Variants in FBXL17 observed in about 807,000 individuals in gnomAD.
FBXL17 encodes F-box/LRR-repeat protein 17.
A neutral mutation model predicts 66.2 loss-of-function variants in FBXL17; 22 were observed. The ratio of observed to expected loss-of-function variants is 0.33; its 90% confidence interval spans 0.24 to 0.47. The LOEUF is 0.47. FBXL17 is among the 20% of genes least tolerant of loss of function. The pLI, the probability that FBXL17 is intolerant of heterozygous loss-of-function variation, is 1.00. For synonymous variants in FBXL17, 474 were observed against 400.5 expected (o/e 1.18, Z -2.19); for missense variants, 878 against 948.2 (o/e 0.93, Z 0.97).
At chr5:108,370,222 A>G (rs1748936115) in intron 1 of FBXL17, among the ~76,000 whole-genome samples, 1 of 152,214 alleles carries the variant, frequency 6.6e-6, no homozygotes, top group Non-Finnish European at 1.5e-5. Context: ...TTTCTCATTA[A>G]CATTATAACA....
At chr5:107,879,638 G>T in intron 8 of FBXL17, 1 of 985,366 alleles carries the variant, frequency 1.0e-6, no homozygotes, top group South Asian at 4.7e-5. Flanking sequence ...AAGAGCTTTG[G>T]GCCATACTTC....
chr5:108,193,552 G>A (rs551567681), intron 5 of FBXL17, among the ~76,000 whole-genome samples: 9 of 152,142 alleles, frequency 5.9e-5, no homozygotes, highest in Non-Finnish European at 1.3e-4. Context: ...GTTGGACAAG[G>A]GAGGGAACAA....
intron 7 of FBXL17, among the ~76,000 whole-genome samples, chr5:107,931,385 A>G (rs1358195691): frequency 1.3e-5 from 2 of 150,566 alleles, no homozygotes; most frequent in African/African-American, 4.9e-5. Context: ...TCAGCCTCCC[A>G]AGTAGCTGGA....
rs66609948 is a variant in FBXL17 at position 107,890,681 on chromosome 5, A to C, written c.1823-9502T>G. 9.0e-3 allele frequency among the ~76,000 whole-genome samples: 1,349 copies of C among 150,258 alleles called. 21 individuals carry two copies. Among genetic ancestry groups the C allele is most frequent in the African/African-American group, 0.032 (1,288 of 40,806 alleles). On this transcript the variant is annotated intron_variant, in intron 7 of 8. Coordinates refer to ENST00000542267, the MANE Select transcript of FBXL17 (RefSeq NM_001163315.3). ...CTTGTCTTAGGAAAAAAAAAAAAAA[A>C]TTGTCTAACCTACTATGTATCAGAG...
chr5:107,978,036 T>C (rs527745938), intron 7 of FBXL17, among the ~76,000 whole-genome samples: 15 of 152,274 alleles, frequency 9.9e-5, no homozygotes, highest in African/African-American at 3.4e-4. Flanking sequence ...TTAAAACAGA[T>C]TGCTGGGCCC....
At chr5:108,251,817 G>T (rs1404703946) in intron 4 of FBXL17, among the ~76,000 whole-genome samples, 1 of 151,686 alleles carries the variant, frequency 6.6e-6, no homozygotes, top group Non-Finnish European at 1.5e-5. Context: ...ATAACATATT[G>T]TATAGTTCTA....
At chr5:107,949,465 C>A (rs570836202) in intron 7 of FBXL17, among the ~76,000 whole-genome samples, 1 of 152,244 alleles carries the variant, frequency 6.6e-6, no homozygotes, top group East Asian at 1.9e-4. Context: ...AATCTTTTTA[C>A]AGACAACACA....
intron 4 of FBXL17, among the ~76,000 whole-genome samples, chr5:108,256,505 A>C (rs1756583740): frequency 6.6e-6 from 1 of 152,060 alleles, no homozygotes; most frequent in African/African-American, 2.4e-5. Flanking sequence ...AAACATTTTC[A>C]GTTCTTTCAT....
At chr5:108,106,728 G>A (rs1749811538) in intron 6 of FBXL17, among the ~76,000 whole-genome samples, 1 of 152,234 alleles carries the variant, frequency 6.6e-6, no homozygotes, top group African/African-American at 2.4e-5. Context: ...TAGATTGGTA[G>A]TTGCCAAGGG....
At chr5:108,245,218 C>T (rs1420281592) in intron 4 of FBXL17, among the ~76,000 whole-genome samples, 1 of 152,032 alleles carries the variant, frequency 6.6e-6, no homozygotes, top group Non-Finnish European at 1.5e-5. Context: ...GAAGCAAGAG[C>T]ACGACCTTCA....
intron 7 of FBXL17, among the ~76,000 whole-genome samples, chr5:107,910,210 A>AC (rs1749904163): frequency 6.6e-6 from 1 of 152,158 alleles, no homozygotes; most frequent in South Asian, 2.1e-4. Flanking sequence ...AAGGAAGAAA[A>AC]GAAATAATAC....
rs1045263865 is a variant in FBXL17, at chr5:108,038,315, A to T, written c.1746-17314T>A. Among the ~76,000 whole-genome samples, 6 of 145,422 alleles carry T rather than the reference A, an allele frequency of 4.1e-5. No individual in the cohort carries two copies. The East Asian group carries it at 8.2e-4, about 20-fold the overall frequency. Reference sequence around the variant, plus strand: ...CAGGACTGTATGTGTACATTTTTTTAAAAAACCCATCTGATAGAGATAACT... The same window carrying T: ...CAGGACTGTATGTGTACATTTTTTTTAAAAACCCATCTGATAGAGATAACT... On this transcript the variant is annotated intron_variant, in intron 6 of 8. Coordinates refer to ENST00000542267, the MANE Select transcript of FBXL17 (RefSeq NM_001163315.3).
chr5:108,181,918 T>A (rs967578902), intron 6 of FBXL17, among the ~76,000 whole-genome samples: 2 of 152,080 alleles, frequency 1.3e-5, no homozygotes, highest in South Asian at 2.1e-4. Flanking sequence ...GAAAAATACA[T>A]CCACTGAAAA....
chr5:107,917,995 C>A (rs1307222074), intron 7 of FBXL17, among the ~76,000 whole-genome samples: 1 of 152,180 alleles, frequency 6.6e-6, no homozygotes. Flanking sequence ...AGAATCAGGA[C>A]AGAATCATTG....
intron 6 of FBXL17, among the ~76,000 whole-genome samples, chr5:108,102,878 T>C (rs1749654282): frequency 6.6e-6 from 1 of 152,188 alleles, no homozygotes; most frequent in Non-Finnish European, 1.5e-5. Flanking sequence ...GACAAAGCAA[T>C]TTTCTCATGG....
At chr5:108,115,349 CA>C (rs1022587063) in intron 6 of FBXL17, among the ~76,000 whole-genome samples, 2 of 150,380 alleles carry the variant, frequency 1.3e-5, no homozygotes, top group African/African-American at 4.9e-5. Flanking sequence ...GAAGCTGATA[CA>C]AAAAAAAATT....
chr5:108,237,251 A>T (rs1755648229), intron 4 of FBXL17, among the ~76,000 whole-genome samples: 1 of 152,174 alleles, frequency 6.6e-6, no homozygotes, highest in Non-Finnish European at 1.5e-5. Flanking sequence ...TACATGCACA[A>T]CACTTCATGT....
chr5:107,896,597 A>C (rs1445622494), intron 7 of FBXL17, among the ~76,000 whole-genome samples: 1 of 152,184 alleles, frequency 6.6e-6, no homozygotes. Context: ...TTAATGCAAT[A>C]CTGTAAACCA....
intron 7 of FBXL17, among the ~76,000 whole-genome samples, chr5:107,952,286 T>A (rs1480202692): frequency 6.6e-6 from 1 of 152,206 alleles, no homozygotes; most frequent in Non-Finnish European, 1.5e-5. Context: ...GAATAGAAAC[T>A]GAATTTTTTT....
Sources: gnomAD v4.1 joint callset for allele counts (sites outside exome capture counted in the v4.1 genomes callset) on GRCh38, gnomAD v4.1.1 for gene constraint, MANE v1.5 for transcripts, NCBI Gene and HGNC (gene_info 2026-07-23, HGNC 2026-07-21) for gene names.